The following OLFML1 variants were observed in gnomAD, a reference collection of about 807,000 sequenced individuals.
OLFML1 encodes olfactomedin like 1.
In OLFML1, 33 loss-of-function variants were observed where a neutral mutation model predicts 37.3. The ratio of observed to expected loss-of-function variants is 0.88; its 90% CI spans 0.67 to 1.18. The LOEUF is 1.18. Among genes scored for constraint, OLFML1 ranks in the 50% most tolerant of loss-of-function variants. OLFML1 has a pLI of 0.00. For missense variants in OLFML1, 545 were observed against 483.7 expected, an observed-to-expected ratio of 1.13 and a Z score of -1.19; for synonymous variants, 186 against 181.3, an observed-to-expected ratio of 1.03 and a Z score of -0.21.
chr11:7,505,641 G>A (rs1330599651), intron 2 of OLFML1, among the ~76,000 whole-genome samples: 1 of 152,086 alleles, frequency 6.6e-6, no homozygotes, highest in Non-Finnish European at 1.5e-5. Flanking sequence ...GACTAGCCTG[G>A]GCAACATAGT....
At chr11:7,507,782 T>C (rs1370490729) in intron 2 of OLFML1, among the ~76,000 whole-genome samples, 1 of 152,150 alleles carries the variant, frequency 6.6e-6, no homozygotes, top group Non-Finnish European at 1.5e-5. Context: ...CTCCTGACCT[T>C]GTGATACACC....
At chr11:7,492,221 G>A (rs551734761) in intron 2 of OLFML1, among the ~76,000 whole-genome samples, 27 of 152,300 alleles carry the variant, frequency 1.8e-4, no homozygotes, top group African/African-American at 6.5e-4. Context: ...CTTCCTGGAA[G>A]ACTCTGATCT....
In OLFML1 at chr11:7,488,221, A is replaced by C; in HGVS notation, c.224A>C (p.Gln75Pro). 1 of 1,614,060 alleles carries C rather than the reference A, an allele frequency of 6.2e-7. No individual in the cohort carries two copies. The highest frequency in any genetic ancestry group is 8.5e-7 in the Non-Finnish European group (1 of 1,179,972). ...ATATCTGTCATGCTGGGAAGATGTC[A>C]GACCTACACAAGTGAGTACAAGAGT... is the stretch of plus-strand genomic sequence containing the variant. ...KNISVMLGRC[Q>P]TYTSEYKSAV... The change falls in exon 2 of 3, where the codon CAG (glutamine) becomes CCG (proline). Residue 75 changes from glutamine (Q) to proline (P), a missense_variant. Transcript: ENST00000329293.
intron 2 of OLFML1, among the ~76,000 whole-genome samples, chr11:7,503,902 G>A (rs75558596): frequency 0.063 from 9,543 of 152,230 alleles, 445 homozygotes; most frequent in Admixed American, 0.15. Flanking sequence ...ACTACTATGT[G>A]CCAGATGCTA....
intron 2 of OLFML1, among the ~76,000 whole-genome samples, chr11:7,492,218 G>A (rs1848607047): frequency 6.6e-6 from 1 of 152,130 alleles, no homozygotes; most frequent in Non-Finnish European, 1.5e-5. Flanking sequence ...CTTCTTCCTG[G>A]AAGACTCTGA....
intron 2 of OLFML1, among the ~76,000 whole-genome samples, chr11:7,497,189 A>G (rs1275709564): frequency 6.6e-6 from 1 of 152,202 alleles, no homozygotes; most frequent in Non-Finnish European, 1.5e-5. Context: ...GAGGTTGGTT[A>G]TAACTATTGA....
intron 2 of OLFML1, among the ~76,000 whole-genome samples, chr11:7,507,527 T>C (rs1848799741): frequency 6.6e-6 from 1 of 151,024 alleles, no homozygotes; most frequent in Non-Finnish European, 1.5e-5. Flanking sequence ...TTGCTGACCC[T>C]TGTGCGTTGA....
At chr11:7,500,832 T>TGA (rs1364685604) in intron 2 of OLFML1, among the ~76,000 whole-genome samples, 1 of 151,794 alleles carries the variant, frequency 6.6e-6, no homozygotes, top group Non-Finnish European at 1.5e-5. Context: ...GCCAGGAGTT[T>TGA]GAGACCAGCC....
chr11:7,493,440 C>T (rs909041103), intron 2 of OLFML1, among the ~76,000 whole-genome samples: 1 of 152,206 alleles, frequency 6.6e-6, no homozygotes, highest in Non-Finnish European at 1.5e-5. Context: ...AGAGGTATAA[C>T]TAATTTGCAA....
intron 2 of OLFML1, among the ~76,000 whole-genome samples, chr11:7,497,505 T>C (rs1419290621): frequency 6.6e-6 from 1 of 152,186 alleles, no homozygotes; most frequent in Non-Finnish European, 1.5e-5. Flanking sequence ...CTATGTTGCC[T>C]GTGTTGGACT....
At position 7,509,961 on chromosome 11, in the gene OLFML1, T is replaced by G; in HGVS notation, c.982T>G (p.Tyr328Asp). The G allele has an allele frequency of 6.2e-7, 1 of 1,614,244 alleles. No individual in the cohort carries two copies. Among genetic ancestry groups the G allele is most frequent in the Non-Finnish European group, 8.5e-7 (1 of 1,180,040 alleles). Residue 328 changes from tyrosine (Y) to aspartate (D), a missense_variant, in exon 3 of 3, where the codon TAT becomes GAT. Physicochemically the swap from Tyr to Asp is radical, Grantham distance 160. Transcript: ENST00000329293. ...EASFLLCGVLYVVYSTGGQGP... is the reference protein window; with the variant it reads ...EASFLLCGVLDVVYSTGGQGP... ...CTCATTCCTCTTGTGTGGGGTTCTCTATGTGGTCTACAGTACTGGGGGCCA... is the reference window on the plus strand; with the variant it reads ...CTCATTCCTCTTGTGTGGGGTTCTCGATGTGGTCTACAGTACTGGGGGCCA...
At position 7,494,430 on chromosome 11, in the gene OLFML1, C is replaced by T. The variant is rs529552391; in HGVS notation, c.418+6015C>T. 4.0e-4 allele frequency among the ~76,000 whole-genome samples: 60 copies of T among 151,784 alleles called. No homozygotes were observed. In the South Asian group the frequency reaches 0.011, roughly 28 times the overall value. Reference sequence around the variant, plus strand: ...ACTGGACTATGTCATGCAATACTCACGATAACCCTGTGAGATAGGTACTGT... The same window carrying T: ...ACTGGACTATGTCATGCAATACTCATGATAACCCTGTGAGATAGGTACTGT... On this transcript the variant is annotated intron_variant, in intron 2 of 2. Transcript: ENST00000329293.
At position 7,509,865 on chromosome 11, in the gene OLFML1, A is replaced by G. The variant is rs1848837511; in HGVS notation, c.886A>G (p.Lys296Glu). 6.2e-7 allele frequency: 1 copy of G among 1,614,178 alleles called. No homozygotes were observed. The highest frequency in any genetic ancestry group is 8.5e-7 in the Non-Finnish European group (1 of 1,180,022). Residue 296 changes from lysine to glutamate, a missense_variant, in exon 3 of 3, where the codon AAG becomes GAG. Physicochemically the swap from Lys to Glu is moderately conservative, Grantham distance 56. Transcript: ENST00000329293. Reference sequence around the variant, plus strand: ...CACCCATAGCCATTTGGTTCTCACAAAGATTGAGCCGGGCACACTGGGAGT... The same window carrying G: ...CACCCATAGCCATTTGGTTCTCACAGAGATTGAGCCGGGCACACTGGGAGT... The part of the protein sequence containing the change: ...PGTHSHLVLT[K>E]IEPGTLGVEH...
rs1564923560 is a variant in OLFML1 at position 7,509,598 on chromosome 11, C to T, written c.619C>T (p.Gln207Ter). Residue 207 changes from glutamine (Q) to a stop codon, truncating the protein, a stop_gained, in exon 3 of 3, where the codon CAA (glutamine) becomes TAA (stop). Transcript: ENST00000329293. LOFTEE classifies it high-confidence loss of function. ...EDNTKPAPRK[Q>*]ILTLSWQGTG... ...TAACACCAAGCCAGCTCCCCGGAAG[C>T]AAATCCTAACACTTTCCTGGCAGGG... 1 of 1,614,206 alleles carries T rather than the reference C, an allele frequency of 6.2e-7. No individual in the cohort carries two copies. Among genetic ancestry groups the T allele is most frequent in the South Asian group, 1.1e-5 (1 of 91,088 alleles).
At chr11:7,493,192 C>G (rs527595051) in intron 2 of OLFML1, among the ~76,000 whole-genome samples, 2 of 152,314 alleles carry the variant, frequency 1.3e-5, no homozygotes, top group African/African-American at 4.8e-5. Context: ...AACCTTCACC[C>G]TGCCGAATTA....
intron 2 of OLFML1, among the ~76,000 whole-genome samples, chr11:7,500,721 G>A (rs1406697579): frequency 1.3e-5 from 2 of 150,670 alleles, no homozygotes; most frequent in East Asian, 3.9e-4. Flanking sequence ...TGTTTAAGAA[G>A]GTTTTTTTTT....
chr11:7,509,670 G>A lies in OLFML1; in HGVS notation c.691G>A (p.Ala231Thr), dbSNP rs140408009. 51 of 1,614,258 alleles carry A rather than the reference G, an allele frequency of 3.2e-5. No individual in the cohort carries two copies. The Admixed American group carries it at 3.8e-4, about 12-fold the overall frequency. ...AGGTTTTCTATTTTTTCATAACCAAGCAACTTCTAATGAGATAATCAAATA... is the reference window on the plus strand; with the variant it reads ...AGGTTTTCTATTTTTTCATAACCAAACAACTTCTAATGAGATAATCAAATA... Reference protein sequence around the residue: ...YKGFLFFHNQATSNEIIKYNL... With the variant: ...YKGFLFFHNQTTSNEIIKYNL... Residue 231 changes from alanine (A) to threonine (T), a missense_variant, in exon 3 of 3, where the codon GCA (alanine) becomes ACA (threonine). Coordinates refer to ENST00000329293, the MANE Select transcript of OLFML1 (RefSeq NM_198474.4).
At position 7,486,026 on chromosome 11, in the gene OLFML1, T is replaced by C. The variant is rs749726691; in HGVS notation, c.129+22T>C. ...GGAGGTAGGTGGCATCTGTACACCT[T>C]GGATAAGTAACAGGCTTCCCAGAAG... is the stretch of plus-strand genomic sequence containing the variant. On this transcript the variant is annotated intron_variant, in intron 1 of 2. Coordinates refer to ENST00000329293, the MANE Select transcript of OLFML1 (RefSeq NM_198474.4). 5 of 1,608,788 alleles carry C rather than the reference T, an allele frequency of 3.1e-6. No individual in the cohort carries two copies. In the East Asian group the frequency reaches 8.9e-5, roughly 29 times the overall value.
Position 7,509,437 on chromosome 11 carries a change from TA to T in OLFML1, c.459del (p.Ile153MetfsTer2). 1 of 1,613,280 alleles carries T rather than the reference TA, an allele frequency of 6.2e-7. No homozygotes were observed. ...NMLMGIKSLK[I>X]VKKMMDTHGS... The stretch of plus-strand genomic sequence containing the variant: ...CTGATGGGCATAAAGTCTTTGAAAA[TA>T]GTGAAGAAGATGATGGACACACATG... On this transcript the variant is annotated frameshift_variant, in exon 3 of 3. Transcript: ENST00000329293. LOFTEE classifies it high-confidence loss of function.
Sources: gnomAD v4.1 joint callset for allele counts (sites outside exome capture counted in the v4.1 genomes callset) on GRCh38, gnomAD v4.1.1 for gene constraint, MANE v1.5 for transcripts, NCBI Gene and HGNC (gene_info 2026-07-23, HGNC 2026-07-21) for gene names.